Variants in ATP2B2 observed in about 807,000 individuals in gnomAD.
The protein encoded by ATP2B2 is ATPase plasma membrane Ca2+ transporting 2.
In ATP2B2, 15 loss-of-function variants were observed where a neutral mutation model predicts 120.0. The ratio of observed to expected loss-of-function variants is 0.12; its 90% CI spans 0.08 to 0.19. The LOEUF (loss-of-function observed/expected upper bound fraction) is 0.19. ATP2B2 is among the 10% of genes least tolerant of loss of function. The pLI is 1.00. For missense variants in ATP2B2, 1,045 were observed against 1,719.8 expected (o/e 0.61, Z 6.94); for synonymous variants, 694 against 700.3 (o/e 0.99, Z 0.14).
chr3:10,487,534 A>G (rs2065738725), intron 1 of ATP2B2, among the ~76,000 whole-genome samples: 1 of 152,208 alleles, frequency 6.6e-6, no homozygotes, highest in Non-Finnish European at 1.5e-5. Context: ...AAGGCCTGTG[A>G]GTCTTTAGTT....
intron 3 of ATP2B2, among the ~76,000 whole-genome samples, chr3:10,512,464 G>GCGCACACAGACACACAGACACACACACA: frequency 7.3e-6 from 1 of 137,026 alleles, no homozygotes; most frequent in African/African-American, 2.9e-5. Flanking sequence ...AAGTGTGTGC[G>GCGCACACAGACACACAGACACACACACA]CACACACACA....
intron 2 of ATP2B2, among the ~76,000 whole-genome samples, chr3:10,426,398 C>T (rs1440217487): frequency 2.0e-5 from 3 of 152,188 alleles, no homozygotes; most frequent in African/African-American, 7.2e-5. Context: ...TGCTTAACTC[C>T]AAAGCAACGT....
At chr3:10,404,651 A>T (rs1264587036) in intron 3 of ATP2B2, among the ~76,000 whole-genome samples, 1 of 152,204 alleles carries the variant, frequency 6.6e-6, no homozygotes. Context: ...TGAGGCCCAC[A>T]TTACAGAAGG....
At chr3:10,510,130 T>A (rs769972918), upstream of ATP2B2, among the ~76,000 whole-genome samples, 1 of 152,150 alleles carries the variant, frequency 6.6e-6, no homozygotes, top group East Asian at 1.9e-4. Context: ...GTCTCTAGTC[T>A]ATTGAGATTT....
At chr3:10,489,341 G>T (rs1010001630) in intron 1 of ATP2B2, among the ~76,000 whole-genome samples, 2 of 152,192 alleles carry the variant, frequency 1.3e-5, no homozygotes, top group Non-Finnish European at 2.9e-5. Flanking sequence ...TGTTCAGTGT[G>T]GTATCCCCAC....
At chr3:10,363,729 T>A (rs1254499049) in intron 12 of ATP2B2, among the ~76,000 whole-genome samples, 3 of 151,212 alleles carry the variant, frequency 2.0e-5, no homozygotes, top group Non-Finnish European at 4.4e-5. Context: ...AAACAAAAAA[T>A]AATGTTGGTG....
intron 3 of ATP2B2, among the ~76,000 whole-genome samples, chr3:10,531,657 C>T (rs2067212572): frequency 6.6e-6 from 1 of 152,222 alleles, no homozygotes; most frequent in Admixed American, 6.5e-5. Context: ...ATGCTACTTC[C>T]TGGCAATCCA....
intron 3 of ATP2B2, among the ~76,000 whole-genome samples, chr3:10,533,048 A>G: frequency 6.6e-6 from 1 of 152,236 alleles, no homozygotes; most frequent in Non-Finnish European, 1.5e-5. Flanking sequence ...TGATGCTGAA[A>G]GATGAGCAGT....
rs868865508 is a variant in ATP2B2, at chr3:10,340,517, G to A, written c.3105C>T (p.Ile1035=). The change falls in exon 20 of 23, where the codon ATC becomes ATT. Residue 1035 remains isoleucine, a synonymous_variant. Coordinates refer to ENST00000360273, the MANE Select transcript of ATP2B2 (RefSeq NM_001001331.4). This position sits in a 1 kb window ranked among gnomAD's most constrained non-coding sequence, Gnocchi z 5.0. ...GIFRNPIFCT[I]VLGTFAIQIV... is the part of the protein sequence containing the mutation. ...CCTGGATGGCAAAGGTGCCCAGCAC[G>A]ATGGTGCAGAAGATGGGGTTCCGGA... The A allele has an allele frequency of 2.7e-5, 44 of 1,614,116 alleles. No homozygotes were observed. Among genetic ancestry groups the A allele is most frequent in the Non-Finnish European group, 3.5e-5 (41 of 1,180,046 alleles).
chr3:10,522,665 C>T (rs1332042450), intron 3 of ATP2B2, among the ~76,000 whole-genome samples: 1 of 152,224 alleles, frequency 6.6e-6, no homozygotes, highest in Non-Finnish European at 1.5e-5. Context: ...GACTCACATC[C>T]ACACCATCCG....
chr3:10,640,264 T>C (rs2070136443), intron 1 of ATP2B2, among the ~76,000 whole-genome samples: 1 of 152,114 alleles, frequency 6.6e-6, no homozygotes, highest in Non-Finnish European at 1.5e-5. Flanking sequence ...TAGGGAATGA[T>C]TGGGGAACTA....
chr3:10,606,118 T>TAAAAAC (rs201956453), intron 2 of ATP2B2, among the ~76,000 whole-genome samples: 2,448 of 151,934 alleles, frequency 0.016, 57 homozygotes, highest in African/African-American at 0.055. Context: ...CTTTAATCTC[T>TAAAAAC]AAAAACAAAA....
intron 12 of ATP2B2, among the ~76,000 whole-genome samples, chr3:10,363,484 C>T (rs2060958752): frequency 6.6e-6 from 1 of 152,154 alleles, no homozygotes; most frequent in Non-Finnish European, 1.5e-5. Flanking sequence ...CAGCTTGGTC[C>T]AGCACATTTC....
chr3:10,416,174 G>A (rs554995367), intron 2 of ATP2B2, among the ~76,000 whole-genome samples: 1 of 152,326 alleles, frequency 6.6e-6, no homozygotes, highest in Admixed American at 6.5e-5. Context: ...TACCATGTAT[G>A]TAAAAGAAGA....
chr3:10,362,054 C>T (rs2060915143), intron 12 of ATP2B2, among the ~76,000 whole-genome samples: 1 of 152,216 alleles, frequency 6.6e-6, no homozygotes, highest in Admixed American at 6.5e-5. Flanking sequence ...AACATTGAGA[C>T]AGGTGACTCA....
At chr3:10,689,818 T>C (rs891835177) in intron 1 of ATP2B2, among the ~76,000 whole-genome samples, 2 of 152,230 alleles carry the variant, frequency 1.3e-5, no homozygotes, top group Admixed American at 6.5e-5. Flanking sequence ...CACTCTGACG[T>C]GCAATCCAAG....
intron 1 of ATP2B2, among the ~76,000 whole-genome samples, chr3:10,660,414 A>G (rs1191943501): frequency 6.6e-6 from 1 of 152,200 alleles, no homozygotes; most frequent in Non-Finnish European, 1.5e-5. Flanking sequence ...GATAAAGGGG[A>G]TATCACCAGC....
chr3:10,445,735 A>G (rs2063815391), intron 2 of ATP2B2, among the ~76,000 whole-genome samples: 1 of 152,164 alleles, frequency 6.6e-6, no homozygotes, highest in Non-Finnish European at 1.5e-5. Context: ...CGTGGCCTGG[A>G]GCATTTCCTG....
intron 5 of ATP2B2, among the ~76,000 whole-genome samples, chr3:10,398,475 T>C (rs2062115265): frequency 6.6e-6 from 1 of 152,180 alleles, no homozygotes; most frequent in Admixed American, 6.5e-5. Context: ...CAGGCCACCA[T>C]TCCAAGATGA....
Sources: gnomAD v4.1 joint callset for allele counts (sites outside exome capture counted in the v4.1 genomes callset) on GRCh38, gnomAD v4.1.1 for gene constraint, Gnocchi (gnomAD v3.1) non-coding constraint, MANE v1.5 for transcripts, NCBI Gene and HGNC (gene_info 2026-07-23, HGNC 2026-07-21) for gene names.